Variants in ABCC10 observed in about 807,000 individuals in gnomAD.
ABCC10 encodes the protein ATP binding cassette subfamily C member 10, also known as ATP-binding cassette sub-family C member 10.
ABCC10 carries 110 observed loss-of-function variants against 143.2 expected under a neutral mutation model. The ratio of observed to expected loss-of-function variants is 0.77; its 90% CI spans 0.66 to 0.90. ABCC10 has a LOEUF of 0.90. Ranked by LOEUF, ABCC10 falls within the 40% of genes least tolerant of loss-of-function variation. The probability of loss-of-function intolerance (pLI) is 0.00; values close to 1 mark genes in which losing one functional copy is unlikely to be tolerated. For synonymous variants in ABCC10, 805 were observed against 846.7 expected, an observed-to-expected ratio of 0.95 and a Z score of 0.85; for missense variants, 1,700 against 1,900.5, an observed-to-expected ratio of 0.89 and a Z score of 1.96.
rs776125976 is a variant in ABCC10 at position 43,444,277 on chromosome 6, C to T, written c.2613C>T (p.His871=). 22 of 1,614,018 alleles carry T rather than the reference C, an allele frequency of 1.4e-5. No homozygotes were observed. Among genetic ancestry groups the T allele is most frequent in the African/African-American group, 4.0e-5 (3 of 74,930 alleles). Reference sequence around the variant, plus strand: ...AGAAGGAGGGCGCCGTGGCCTTGCACGTGTACCAAGCTTACTGGAAGGCCG... The same window carrying T: ...AGAAGGAGGGCGCCGTGGCCTTGCATGTGTACCAAGCTTACTGGAAGGCCG... ...ESKKEGAVAL[H]VYQAYWKAVG... The change falls in exon 12 of 22, where the codon CAC becomes CAT. Residue 871 remains histidine, a synonymous_variant. Coordinates refer to ENST00000372530, the MANE Select transcript of ABCC10 (RefSeq NM_001198934.2).
At chr6:43,442,919 T>C in intron 9 of ABCC10, 51 bp from the exon 10 acceptor site, 21 of 1,467,722 alleles carry the variant, frequency 1.4e-5, no homozygotes, top group Non-Finnish European at 1.8e-5. Context: ...TGAGATCTTC[T>C]CCGGAGAGCC....
intron 9 of ABCC10, 123 bp from the exon 10 acceptor site, chr6:43,442,846 TC>T (rs2127402704): frequency 2.3e-6 from 2 of 859,160 alleles, no homozygotes; most frequent in South Asian, 4.1e-5. Flanking sequence ...AGGTCTCACC[TC>T]CTTCTCTGCT....
At position 43,435,817 on chromosome 6, in the gene ABCC10, A is replaced by T; in HGVS notation, c.1675A>T (p.Asn559Tyr). 6.2e-7 allele frequency: 1 copy of T among 1,614,168 alleles called. No homozygotes were observed. Residue 559 changes from asparagine to tyrosine, a missense_variant, in exon 5 of 22, where the codon AAT (asparagine) becomes TAT (tyrosine). Asn to Tyr is a moderately radical substitution (Grantham distance 143, BLOSUM62 -2). Coordinates refer to ENST00000372530, the MANE Select transcript of ABCC10 (RefSeq NM_001198934.2). The part of the protein sequence containing the change: ...LPLNNFPWVI[N>Y]GLLEAKVSLD... ...TCTCAACAACTTCCCTTGGGTGATC[A>T]ATGGTCTCCTGGAGGCCAAAGTGTC...
intron 15 of ABCC10, 29 bp downstream of exon 15, chr6:43,445,971 G>A (rs757111038): frequency 9.4e-6 from 15 of 1,588,362 alleles, no homozygotes; most frequent in Admixed American, 1.7e-5. Flanking sequence ...AGGGGGATGA[G>A]GTGTTGGGGG....
chr6:43,442,775 G>A (rs1008744523), intron 9 of ABCC10, among the ~76,000 whole-genome samples, 195 bp from the exon 10 acceptor site: 3 of 151,896 alleles, frequency 2.0e-5, no homozygotes, highest in Non-Finnish European at 4.4e-5. Flanking sequence ...CTGGGACCTA[G>A]GAAAGCTGAG....
intron 4 of ABCC10, among the ~76,000 whole-genome samples, 195 bp from the exon 5 acceptor site, chr6:43,435,556 C>G (rs1446896916): frequency 2.6e-5 from 4 of 152,064 alleles, no homozygotes; most frequent in Non-Finnish European, 5.9e-5. Flanking sequence ...CAACCTGAAT[C>G]CCTTGAGGAA....
chr6:43,447,647 C>A (rs1201804285), intron 17 of ABCC10, 37 bp from the exon 18 acceptor site: 2 of 1,611,072 alleles, frequency 1.2e-6, no homozygotes, highest in African/African-American at 1.3e-5. Flanking sequence ...CCCTATCTCC[C>A]TTTCCCCGTC....
rs769664717 is a variant in ABCC10, at chr6:43,449,433, C to G, written c.4215C>G (p.Ile1405Met). The G allele has an allele frequency of 6.2e-7, 1 of 1,612,684 alleles. No homozygotes were observed. The highest frequency in any genetic ancestry group is 1.7e-5 in the Admixed American group (1 of 59,802). Residue 1405 changes from isoleucine to methionine, a missense_variant, in exon 21 of 22, where the codon ATC (isoleucine) becomes ATG (methionine). Ile to Met is a conservative substitution (Grantham distance 10). Coordinates refer to ENST00000372530, the MANE Select transcript of ABCC10 (RefSeq NM_001198934.2). ...TTCCCATATTCCAGATCCTGTGTAT[C>G]GATGAGGCCACAGCAAGTGTGGACC... The part of the protein sequence containing the change: ...ALLTDAKILC[I>M]DEATASVDQK...
In ABCC10 at chr6:43,449,926, C is replaced by A; in HGVS notation, c.4317-3C>A. 1 of 1,614,022 alleles carries A rather than the reference C, an allele frequency of 6.2e-7. No homozygotes were observed. The highest frequency in any genetic ancestry group is 8.5e-7 in the Non-Finnish European group (1 of 1,179,980). ...CCTACACTGACCATCTTCCCCCTCA[C>A]AGGCTCAACACGATCCTGAACTCAG... is the stretch of plus-strand genomic sequence containing the variant. On this transcript the variant is annotated splice_polypyrimidine_tract_variant and splice_region_variant and intron_variant, in intron 21 of 21. Transcript: ENST00000372530.
intron 8 of ABCC10, among the ~76,000 whole-genome samples, chr6:43,439,839 C>T (rs1581744554): frequency 6.6e-6 from 1 of 152,176 alleles, no homozygotes. Context: ...ACCTTGGCCT[C>T]CCAAGGTGCT....
intron 6 of ABCC10, among the ~76,000 whole-genome samples, chr6:43,437,407 G>A (rs1364044642): frequency 1.5e-5 from 2 of 133,216 alleles, no homozygotes; most frequent in Non-Finnish European, 1.5e-5. Context: ...TTTTTGAGCA[G>A]GGAGATAGCT....
At chr6:43,447,432 G>A (rs1434703805) in intron 17 of ABCC10, 24 bp downstream of exon 17, 1 of 1,608,422 alleles carries the variant, frequency 6.2e-7, no homozygotes. Flanking sequence ...CCCACCCCAG[G>A]CCAAAGCTCT....
Position 43,445,258 on chromosome 6 carries a change from G to A in ABCC10, c.2974G>A (p.Gly992Ser), listed in dbSNP as rs1271644013. Residue 992 changes from glycine to serine, a missense_variant, in exon 14 of 22, where the codon GGC becomes AGC. Gly to Ser is a moderately conservative substitution (Grantham distance 56, BLOSUM62 0). Transcript: ENST00000372530. ...TLLRAVLFAAGTLQAAATLHR... is the reference protein window; with the variant it reads ...TLLRAVLFAASTLQAAATLHR... ...TCTCCGGGCAGTGCTCTTTGCAGCAGGCACCCTTCAAGCAGCTGCCACTCT... is the reference window on the plus strand; with the variant it reads ...TCTCCGGGCAGTGCTCTTTGCAGCAAGCACCCTTCAAGCAGCTGCCACTCT... 2 of 1,613,888 alleles carry A rather than the reference G, an allele frequency of 1.2e-6. No individual in the cohort carries two copies. Among genetic ancestry groups the A allele is most frequent in the Non-Finnish European group, 1.7e-6 (2 of 1,179,986 alleles).
downstream of ABCC10, chr6:43,450,777 G>T (rs1464080353): frequency 6.2e-7 from 1 of 1,614,120 alleles, no homozygotes; most frequent in Admixed American, 1.7e-5. The surrounding 1 kb of genome is among the most constrained non-coding windows in gnomAD (Gnocchi z 4.5). Context: ...CACCAAGCTA[G>T]GCTCACCTAG....
Position 43,435,916 on chromosome 6 carries a change from A to G in ABCC10, c.1765+9A>G. 6.2e-7 allele frequency: 1 copy of G among 1,613,954 alleles called. No individual in the cohort carries two copies. The highest frequency in any genetic ancestry group is 8.5e-7 in the Non-Finnish European group (1 of 1,179,928). On this transcript the variant is annotated intron_variant, in intron 5 of 21. Coordinates refer to ENST00000372530, the MANE Select transcript of ABCC10 (RefSeq NM_001198934.2). Reference sequence around the variant, plus strand: ...GGCCTACTACAGCCCAGGTAATGGGAAGCTAGTGGGCAGAACCTGGCACAG... The same window carrying G: ...GGCCTACTACAGCCCAGGTAATGGGGAGCTAGTGGGCAGAACCTGGCACAG...
At chr6:43,450,806 C>T (rs750612424), downstream of ABCC10, 12 of 1,614,102 alleles carry the variant, frequency 7.4e-6, no homozygotes, top group African/African-American at 2.7e-5. The surrounding 1 kb of genome is among the most constrained non-coding windows in gnomAD (Gnocchi z 4.5). Flanking sequence ...CTTGCCTCCG[C>T]ACCACCTCCT....
In ABCC10 at chr6:43,445,794, A is replaced by G. The variant is rs1475671326; in HGVS notation, c.3226A>G (p.Ile1076Val). Reference protein sequence around the residue: ...WLLLLLPPLSIMYYHVQRHYR... With the variant: ...WLLLLLPPLSVMYYHVQRHYR... ...GCTGCTCCTGCTGCCGCCTTTGAGC[A>G]TCATGTACTATCACGTGCAGCGCCA... is the stretch of plus-strand genomic sequence containing the variant. The change falls in exon 15 of 22, where the codon ATC (isoleucine) becomes GTC (valine). Residue 1076 changes from isoleucine (I) to valine (V), a missense_variant. Transcript: ENST00000372530. 1.9e-6 allele frequency: 3 copies of G among 1,613,988 alleles called. No individual in the cohort carries two copies. Among genetic ancestry groups the G allele is most frequent in the Non-Finnish European group, 2.5e-6 (3 of 1,180,040 alleles).
intron 14 of ABCC10, 63 bp downstream of exon 14, chr6:43,445,377 A>G: frequency 6.5e-7 from 1 of 1,532,964 alleles, no homozygotes; most frequent in Admixed American, 1.9e-5. Context: ...GTGTCCTCCC[A>G]ATACTCGGGC....
intron 17 of ABCC10, 104 bp from the exon 18 acceptor site, chr6:43,447,580 C>T: frequency 1.9e-6 from 3 of 1,564,236 alleles, no homozygotes; most frequent in Non-Finnish European, 2.6e-6. Context: ...TTCTCTCATT[C>T]CTCTCACACT....
Sources: allele counts gnomAD v4.1 joint callset (sites outside exome capture counted in the v4.1 genomes callset), GRCh38; gene constraint gnomAD v4.1.1; non-coding constraint Gnocchi (gnomAD v3.1); transcripts MANE v1.5; gene names NCBI Gene and HGNC (gene_info 2026-07-23, HGNC 2026-07-21).